Variants in ARHGAP6 observed in about 807,000 individuals in gnomAD.
ARHGAP6 encodes rho GTPase-activating protein 6.
ARHGAP6 carries 16 observed loss-of-function variants against 55.7 expected under a neutral mutation model. The observed-to-expected ratio is 0.29, with a 90% CI of 0.19 to 0.44. The LOEUF (loss-of-function observed/expected upper bound fraction) is 0.44, where lower values mean the gene tolerates loss of function less well. ARHGAP6 is among the 20% of genes least tolerant of loss of function. The pLI, the probability that ARHGAP6 is intolerant of heterozygous loss-of-function variation, is 1.00. For synonymous variants in ARHGAP6, 382 were observed against 360.9 expected, an observed-to-expected ratio of 1.06 and a Z score of -0.66; for missense variants, 698 against 808.9, an observed-to-expected ratio of 0.86 and a Z score of 1.66.
intron 1 of ARHGAP6, among the ~76,000 whole-genome samples, chrX:11,532,691 C>T (rs1312529597): frequency 0.031 from 3 of 98 alleles, no homozygotes; most frequent in Admixed American, 0.12. Flanking sequence ...ATTCCAATCT[C>T]AGCATTAAAG....
At chrX:11,247,339 C>A (rs747645402) in intron 2 of ARHGAP6, among the ~76,000 whole-genome samples, 3 of 112,588 alleles carry the variant, frequency 2.7e-5, no homozygotes, top group Non-Finnish European at 5.6e-5. Context: ...ATATGCATTT[C>A]TGTCTTATAG....
intron 1 of ARHGAP6, among the ~76,000 whole-genome samples, chrX:11,451,530 G>T (rs1007526673): frequency 8.0e-5 from 9 of 112,097 alleles, no homozygotes; most frequent in Non-Finnish European, 1.9e-5. Context: ...TTGAAAGAGG[G>T]TTTATATGAA....
chrX:11,194,509 G>A (rs1186864932), intron 3 of ARHGAP6, among the ~76,000 whole-genome samples: 2 of 112,092 alleles, frequency 1.8e-5, no homozygotes, highest in Non-Finnish European at 3.8e-5. Flanking sequence ...GTAGTCAGGG[G>A]TGCGGATCAC....
intron 1 of ARHGAP6, among the ~76,000 whole-genome samples, chrX:11,459,283 C>G (rs5935071): frequency 0.11 from 12,182 of 111,237 alleles, 622 homozygotes; most frequent in Admixed American, 0.2. Context: ...GACTATCTTT[C>G]AGAGAAGCAC....
chrX:11,266,740 G>A (rs2047632629), intron 1 of ARHGAP6, among the ~76,000 whole-genome samples: 1 of 111,904 alleles, frequency 8.9e-6, no homozygotes, highest in Admixed American at 9.5e-5. Context: ...CCAGTCAATA[G>A]GAAGTTATAG....
At chrX:11,309,901 C>T (rs2048277461) in intron 1 of ARHGAP6, among the ~76,000 whole-genome samples, 2 of 111,094 alleles carry the variant, frequency 1.8e-5, no homozygotes, top group Non-Finnish European at 3.8e-5. Flanking sequence ...CCGGTAATCC[C>T]AGCATTTTGA....
chrX:11,388,050 A>G (rs1218755874), intron 1 of ARHGAP6, among the ~76,000 whole-genome samples: 1 of 111,984 alleles, frequency 8.9e-6, no homozygotes, highest in Non-Finnish European at 1.9e-5. Context: ...ATGATTTATA[A>G]TCCTTTGGGT....
intron 1 of ARHGAP6, among the ~76,000 whole-genome samples, chrX:11,312,110 G>A (rs1238316053): frequency 8.9e-6 from 1 of 112,028 alleles, no homozygotes; most frequent in East Asian, 2.8e-4. Flanking sequence ...ATATCCATAT[G>A]AATTAATATA....
At chrX:11,280,007 G>C (rs920700268) in intron 1 of ARHGAP6, among the ~76,000 whole-genome samples, 8 of 111,115 alleles carry the variant, frequency 7.2e-5, no homozygotes, top group African/African-American at 1.3e-4. Flanking sequence ...AGACATTTTT[G>C]GTTGTCACAA....
At chrX:11,363,679 T>C (rs992455536) in intron 1 of ARHGAP6, among the ~76,000 whole-genome samples, 5 of 112,176 alleles carry the variant, frequency 4.5e-5, no homozygotes, top group South Asian at 7.4e-4. Context: ...TGACAAATCA[T>C]TGACTAAGCT....
chrX:11,275,207 A>G (rs913558802), intron 1 of ARHGAP6, among the ~76,000 whole-genome samples: 1 of 111,999 alleles, frequency 8.9e-6, no homozygotes, highest in African/African-American at 3.2e-5. Flanking sequence ...TTATATATTT[A>G]TTATATGATG....
Position 11,188,978 on chromosome X carries a change from A to C in ARHGAP6, c.827T>G (p.Ile276Ser), listed in dbSNP as rs146662506. The C allele has an allele frequency of 9.8e-5, 118 of 1,206,107 alleles. 1 individual carries two copies. In the Middle Eastern group the frequency reaches 1.6e-3, roughly 16 times the overall value. ...TAAGGGCATTCCAAATGCCTGTGGG[A>C]TGAATTCTGGAATCAAAAAACAGAC... The part of the protein sequence containing the change: ...GKEKNKDKEF[I>S]PQAFGMPLSQ... The change falls in exon 4 of 13, where the codon ATC becomes AGC. Residue 276 changes from isoleucine to serine, a missense_variant. This residue lies in a region of ARHGAP6 where 322 missense variants were observed against 451.1 expected (regional missense o/e 0.71). Coordinates refer to ENST00000337414, the MANE Select transcript of ARHGAP6 (RefSeq NM_013427.3).
chrX:11,383,583 A>G (rs964125311), intron 1 of ARHGAP6, among the ~76,000 whole-genome samples: 1 of 111,048 alleles, frequency 9.0e-6, no homozygotes, highest in Non-Finnish European at 1.9e-5. Context: ...TTCTGACTCA[A>G]TTTCTGCCCC....
At chrX:11,491,613 T>C (rs1333382133) in intron 1 of ARHGAP6, among the ~76,000 whole-genome samples, 2 of 112,151 alleles carry the variant, frequency 1.8e-5, no homozygotes, top group East Asian at 2.8e-4. Context: ...CAGTCTATCA[T>C]TGTTGGACAT....
At chrX:11,619,110 A>G (rs193096407) in intron 1 of ARHGAP6, among the ~76,000 whole-genome samples, 26 of 112,391 alleles carry the variant, frequency 2.3e-4, no homozygotes, top group African/African-American at 8.4e-4. Flanking sequence ...TATGAGAACT[A>G]TAAACTTTCA....
intron 1 of ARHGAP6, among the ~76,000 whole-genome samples, chrX:11,636,725 G>C (rs1257685019): frequency 8.9e-6 from 1 of 111,853 alleles, no homozygotes; most frequent in East Asian, 2.8e-4. Context: ...TTTTGAAAAA[G>C]TGCTGCTGTT....
chrX:11,542,711 G>A lies in ARHGAP6; in HGVS notation c.588+121530C>T, dbSNP rs945281685. 8.1e-5 allele frequency among the ~76,000 whole-genome samples: 9 copies of A among 111,241 alleles called. No homozygotes were observed. In the East Asian group the frequency reaches 2.3e-3, roughly 28 times the overall value. ...CTTCAGAAAGGCATGATGGAAGGGC[G>A]TAAGTGCTGACTATACTTCCTAAAA... On this transcript the variant is annotated intron_variant, in intron 1 of 12. Coordinates refer to ENST00000337414, the MANE Select transcript of ARHGAP6 (RefSeq NM_013427.3).
intron 2 of ARHGAP6, among the ~76,000 whole-genome samples, chrX:11,207,229 A>G (rs1411412200): frequency 4.7e-5 from 5 of 106,866 alleles, no homozygotes; most frequent in East Asian, 2.9e-4. Context: ...GGGTCTCACT[A>G]TGTTGGCCAG....
intron 1 of ARHGAP6, among the ~76,000 whole-genome samples, chrX:11,453,249 AATAT>A (rs1363875478): frequency 1.0e-5 from 1 of 95,785 alleles, no homozygotes; most frequent in Non-Finnish European, 2.1e-5. Flanking sequence ...ATATATACAT[AATAT>A]ATATATAGTA....
Sources: allele counts gnomAD v4.1 joint callset (sites outside exome capture counted in the v4.1 genomes callset), GRCh38; gene constraint gnomAD v4.1.1; regional missense constraint gnomAD v4.1.1; transcripts MANE v1.5; gene names NCBI Gene and HGNC (gene_info 2026-07-23, HGNC 2026-07-21).